Variants in PIEZO2 observed in about 807,000 individuals in gnomAD.
The protein encoded by PIEZO2 is piezo type mechanosensitive ion channel component 2.
A neutral mutation model predicts 337.3 loss-of-function variants in PIEZO2; 172 were observed. That is an observed-to-expected ratio of 0.51 (90% CI 0.45 to 0.58). The LOEUF is 0.58. Ranked by LOEUF, PIEZO2 falls within the 20% of genes least tolerant of loss-of-function variation. PIEZO2 has a pLI of 0.00. For missense variants in PIEZO2, 3,028 were observed against 3,391.3 expected, an observed-to-expected ratio of 0.89 and a Z score of 2.66; for synonymous variants, 1,251 against 1,228.5, an observed-to-expected ratio of 1.02 and a Z score of -0.38.
chr18:10,672,972 G>T lies in PIEZO2; in HGVS notation c.8162-99C>A. 1 of 967,120 alleles carries T rather than the reference G, an allele frequency of 1.0e-6. No homozygotes were observed. The highest frequency in any genetic ancestry group is 1.6e-6 in the Non-Finnish European group (1 of 645,118). 59.9% of individuals were successfully genotyped at this position (967,120 alleles called of 1,614,324 possible). On this transcript the variant is annotated intron_variant, in intron 54 of 55. Transcript: ENST00000674853. The surrounding 1 kb of genome is among the most constrained non-coding windows in gnomAD (Gnocchi z 4.7). ...TGGCAAAATCTGGTTACTAACTATA[G>T]CATAAGGTTCTAGGATGAAAAGGAT...
chr18:11,043,001 C>T (rs2037177653), intron 2 of PIEZO2, among the ~76,000 whole-genome samples: 1 of 152,040 alleles, frequency 6.6e-6, no homozygotes, highest in Non-Finnish European at 1.5e-5. Flanking sequence ...ATTGTTTGGC[C>T]ATAGAAAGGA....
At chr18:10,831,814 A>G (rs56974104) in intron 7 of PIEZO2, among the ~76,000 whole-genome samples, 10,421 of 152,212 alleles carry the variant, frequency 0.068, 996 homozygotes, top group African/African-American at 0.22. Flanking sequence ...AAATGAAAAA[A>G]ATGTTTAAAT....
intron 7 of PIEZO2, among the ~76,000 whole-genome samples, chr18:10,852,096 T>G (rs1401648601): frequency 2.0e-5 from 3 of 152,188 alleles, no homozygotes; most frequent in African/African-American, 7.2e-5. Flanking sequence ...AAACTAAAAA[T>G]TAAACGTTTA....
At position 11,048,372 on chromosome 18, in the gene PIEZO2, C is replaced by T. The variant is rs1370329399; in HGVS notation, c.160+17755G>A. On this transcript the variant is annotated intron_variant, in intron 2 of 55. Transcript: ENST00000674853. This position sits in a 1 kb window ranked among gnomAD's most constrained non-coding sequence, Gnocchi z 4.5. ...AGCGGACTGCCTGGCCCATTTCAGACACTCAGTAATGCTTATTCTGTGACC... is the reference window on the plus strand; with the variant it reads ...AGCGGACTGCCTGGCCCATTTCAGATACTCAGTAATGCTTATTCTGTGACC... Among the ~76,000 whole-genome samples the T allele has an allele frequency of 6.6e-6, 1 of 152,212 alleles. No homozygotes were observed. Among genetic ancestry groups the T allele is most frequent in the African/African-American group, 2.4e-5 (1 of 41,460 alleles).
At chr18:10,679,797 G>A (rs1017523884) in intron 52 of PIEZO2, among the ~76,000 whole-genome samples, 3 of 152,154 alleles carry the variant, frequency 2.0e-5, no homozygotes, top group African/African-American at 7.2e-5. Flanking sequence ...GGTGTTCACA[G>A]TAATACTATT....
chr18:10,862,307 A>G lies in PIEZO2; in HGVS notation c.493-5096T>C, dbSNP rs1456597838. On this transcript the variant is annotated intron_variant, in intron 5 of 55. Coordinates refer to ENST00000674853, the MANE Select transcript of PIEZO2 (RefSeq NM_001378183.1). This position sits in a 1 kb window ranked among gnomAD's most constrained non-coding sequence, Gnocchi z 4.4. ...ATTTGATAACATGTATTAGTGTAAG[A>G]TCTCTCATTTCACATAAGGAAACTT... 6.6e-6 allele frequency among the ~76,000 whole-genome samples: 1 copy of G among 151,922 alleles called. No individual in the cohort carries two copies. Among genetic ancestry groups the G allele is most frequent in the Non-Finnish European group, 1.5e-5 (1 of 67,960 alleles).
At chr18:10,762,112 A>G (rs911018294) in intron 23 of PIEZO2, among the ~76,000 whole-genome samples, 11 of 152,206 alleles carry the variant, frequency 7.2e-5, no homozygotes, top group African/African-American at 2.7e-4. Flanking sequence ...TACTTTACTT[A>G]ATATTTTTCT....
chr18:10,843,190 G>A (rs1179797203), intron 7 of PIEZO2, among the ~76,000 whole-genome samples: 1 of 152,078 alleles, frequency 6.6e-6, no homozygotes, highest in African/African-American at 2.4e-5. Context: ...ACAGAACATG[G>A]ATGAGGATCT....
At chr18:10,868,869 T>C (rs2042071244) in intron 5 of PIEZO2, among the ~76,000 whole-genome samples, 2 of 152,244 alleles carry the variant, frequency 1.3e-5, no homozygotes, top group African/African-American at 4.8e-5. Flanking sequence ...CTTAGTCCTA[T>C]GGCAAACAGC....
intron 3 of PIEZO2, among the ~76,000 whole-genome samples, chr18:10,914,340 T>C (rs2030751156): frequency 6.6e-6 from 1 of 152,024 alleles, no homozygotes; most frequent in Non-Finnish European, 1.5e-5. Context: ...GGAGAATGGA[T>C]GTCCAGTCAT....
intron 3 of PIEZO2, among the ~76,000 whole-genome samples, chr18:10,976,130 A>T (rs141221384): frequency 6.6e-6 from 1 of 152,198 alleles, no homozygotes; most frequent in Non-Finnish European, 1.5e-5. Flanking sequence ...ACCCACACTA[A>T]CAGTATTTTC....
At chr18:11,147,690 C>G (rs975599375) in intron 1 of PIEZO2, among the ~76,000 whole-genome samples, 2 of 152,240 alleles carry the variant, frequency 1.3e-5, no homozygotes, top group Admixed American at 6.5e-5. Flanking sequence ...GTCACAGGCA[C>G]TGCCTGTTTG....
intron 32 of PIEZO2, among the ~76,000 whole-genome samples, chr18:10,741,871 G>A (rs903014446): frequency 6.6e-6 from 1 of 151,886 alleles, no homozygotes; most frequent in African/African-American, 2.4e-5. Flanking sequence ...CAAATTAAGC[G>A]GGCTGGGCTC....
chr18:10,807,192 G>T lies in PIEZO2; in HGVS notation c.1000C>A (p.His334Asn). 6.5e-7 allele frequency: 1 copy of T among 1,536,962 alleles called. No homozygotes were observed. Among genetic ancestry groups the T allele is most frequent in the Non-Finnish European group, 8.7e-7 (1 of 1,146,614 alleles). Residue 334 changes from histidine to asparagine, a missense_variant, in exon 8 of 56, where the codon CAC becomes AAC. Transcript: ENST00000674853. The part of the protein sequence containing the change: ...IIVNPDLSWY[H>N]HANPILLLVM... The stretch of plus-strand genomic sequence containing the variant: ...AGCAGGAGGATAGGGTTGGCGTGGT[G>T]GTACCACGACAGGTCCGGGTTCACT...
rs397858174 is a variant in PIEZO2 at position 10,781,027 on chromosome 18, TAA to T, written c.2493-663_2493-662del. ...TTAATTTTTGCTGCTACCCCAGAAT[TAA>T]AAAAAAAAAGGATCCTACTCAGCGG... On this transcript the variant is annotated intron_variant, in intron 17 of 55. Transcript: ENST00000674853. This position sits in a 1 kb window ranked among gnomAD's most constrained non-coding sequence, Gnocchi z 4.1. 6.9e-6 allele frequency among the ~76,000 whole-genome samples: 1 copy of T among 145,324 alleles called. No individual in the cohort carries two copies. The highest frequency in any genetic ancestry group is 6.9e-5 in the Admixed American group (1 of 14,476).
chr18:11,130,160 C>A (rs1432963112), intron 1 of PIEZO2, among the ~76,000 whole-genome samples: 1 of 152,188 alleles, frequency 6.6e-6, no homozygotes, highest in Non-Finnish European at 1.5e-5. Context: ...GGTGGTGATT[C>A]CCACCACATT....
rs2035816501 is a variant in PIEZO2, at chr18:11,009,260, CT to C, written c.161-29601del. On this transcript the variant is annotated intron_variant, in intron 2 of 55. Coordinates refer to ENST00000674853, the MANE Select transcript of PIEZO2 (RefSeq NM_001378183.1). The surrounding 1 kb of genome is among the most constrained non-coding windows in gnomAD (Gnocchi z 4.6). ...TGAATTGCTGAGTCTCTGAAGAGTG[CT>C]GGGCTTCACAAGCCCTGATGTGCAT... 6.6e-6 allele frequency among the ~76,000 whole-genome samples: 1 copy of C among 152,222 alleles called. No homozygotes were observed.
rs569401953 is a variant in PIEZO2 at position 10,855,686 on chromosome 18, T to C, written c.704-120A>G. 1.2e-5 allele frequency: 9 copies of C among 769,550 alleles called. No homozygotes were observed. The highest frequency in any genetic ancestry group is 2.1e-5 in the South Asian group (1 of 48,426). 47.7% of individuals were successfully genotyped at this position (769,550 alleles called of 1,614,324 possible). A position where few individuals can be genotyped will look rare whatever the true frequency, so the allele number is the denominator to read the frequency against. The stretch of plus-strand genomic sequence containing the variant: ...TCAAGTGTTTTTAGGTTTTTTAAAA[T>C]AGTAATTTTTAAAAATCATGTTTGA... On this transcript the variant is annotated intron_variant, in intron 6 of 55. Transcript: ENST00000674853. The surrounding 1 kb of genome is among the most constrained non-coding windows in gnomAD (Gnocchi z 4.9).
rs894995355 is a variant in PIEZO2, at chr18:10,945,672, C to G, written c.286+33863G>C. ...AAAAATGACCACATATATAAAGAAG[C>G]AGAAAATAGGACCCATAATCAGCAG... On this transcript the variant is annotated intron_variant, in intron 3 of 55. Transcript: ENST00000674853. This position sits in a 1 kb window ranked among gnomAD's most constrained non-coding sequence, Gnocchi z 4.0. Among the ~76,000 whole-genome samples the G allele has an allele frequency of 2.0e-5, 3 of 152,106 alleles. No homozygotes were observed. The highest frequency in any genetic ancestry group is 4.4e-5 in the Non-Finnish European group (3 of 68,018).
Sources: gnomAD v4.1 joint callset for allele counts (sites outside exome capture counted in the v4.1 genomes callset) on GRCh38, gnomAD v4.1.1 for gene constraint, Gnocchi (gnomAD v3.1) non-coding constraint, MANE v1.5 for transcripts, NCBI Gene and HGNC (gene_info 2026-07-23, HGNC 2026-07-21) for gene names.